VPS13A: variants seen among roughly 807,000 people sequenced by gnomAD.
VPS13A encodes vacuolar protein sorting 13 homolog A.
In VPS13A, 264 loss-of-function variants were observed where a neutral mutation model predicts 390.9. That is an observed-to-expected ratio of 0.68 (90% CI 0.61 to 0.75). The LOEUF is 0.75. Among genes scored for constraint, VPS13A ranks in the 30% least tolerant of loss-of-function variants. VPS13A has a pLI of 0.00. For missense variants in VPS13A, 3,409 were observed against 3,733.9 expected, an observed-to-expected ratio of 0.91 and a Z score of 2.27; for synonymous variants, 1,231 against 1,227.1, an observed-to-expected ratio of 1.00 and a Z score of -0.07.
intron 1 of VPS13A, among the ~76,000 whole-genome samples, chr9:77,183,888 C>T (rs146627463): frequency 3.7e-4 from 57 of 152,296 alleles, no homozygotes; most frequent in African/African-American, 1.3e-3. Context: ...TAATGGAATA[C>T]CATTAATATT....
rs184429721 is a variant in VPS13A at position 77,265,221 on chromosome 9, C to T, written c.2427+4997C>T. On this transcript the variant is annotated intron_variant, in intron 23 of 71. Transcript: ENST00000360280. ...GCCAGTAGTTTATTGAGGATTTTCACATTGACGTTCATCAGGGATATTAGC... is the reference window on the plus strand; with the variant it reads ...GCCAGTAGTTTATTGAGGATTTTCATATTGACGTTCATCAGGGATATTAGC... 2.2e-3 allele frequency among the ~76,000 whole-genome samples: 340 copies of T among 152,292 alleles called. 1 individual carries two copies. The highest frequency in any genetic ancestry group is 7.6e-3 in the African/African-American group (315 of 41,566).
intron 69 of VPS13A, 142 bp downstream of exon 69, chr9:77,403,463 A>C (rs928724388): frequency 1.4e-6 from 1 of 718,940 alleles, no homozygotes; most frequent in African/African-American, 1.8e-5. Flanking sequence ...CTAACTCGCT[A>C]AACATTACAT....
chr9:77,251,394 A>G (rs1268603685), intron 21 of VPS13A, among the ~76,000 whole-genome samples: 2 of 152,192 alleles, frequency 1.3e-5, no homozygotes. Context: ...CTTTCTGATT[A>G]TACCTATTTC....
At chr9:77,328,209 C>T (rs976211959) in intron 45 of VPS13A, among the ~76,000 whole-genome samples, 4 of 152,088 alleles carry the variant, frequency 2.6e-5, no homozygotes, top group Non-Finnish European at 4.4e-5. Context: ...TGTGCATGGC[C>T]AATGAGCAGT....
intron 23 of VPS13A, among the ~76,000 whole-genome samples, chr9:77,265,301 C>A (rs1431482441): frequency 6.6e-6 from 1 of 152,186 alleles, no homozygotes; most frequent in Non-Finnish European, 1.5e-5. Flanking sequence ...CAGGATGAGG[C>A]TGGCTTCATA....
At chr9:77,321,041 G>A (rs972365368) in intron 42 of VPS13A, 128 bp from the exon 43 acceptor site, 2 of 826,880 alleles carry the variant, frequency 2.4e-6, no homozygotes, top group Non-Finnish European at 3.8e-6. Context: ...ATTTCAATAA[G>A]GCAATAGAAC....
chr9:77,240,214 C>T (rs1264340847), intron 19 of VPS13A, among the ~76,000 whole-genome samples: 1 of 150,574 alleles, frequency 6.6e-6, no homozygotes, highest in East Asian at 1.9e-4. Flanking sequence ...TCCCGAGTAG[C>T]TGGGATTACA....
chr9:77,360,688 ATAT>A (rs779727284), intron 59 of VPS13A, 47 bp downstream of exon 59: 22 of 1,383,396 alleles, frequency 1.6e-5, no homozygotes, highest in East Asian at 4.6e-5. Context: ...TAGGGAAAAG[ATAT>A]TATTATAAAT....
intron 50 of VPS13A, among the ~76,000 whole-genome samples, chr9:77,342,124 G>A (rs2131513429): frequency 6.6e-6 from 1 of 152,248 alleles, no homozygotes; most frequent in South Asian, 2.1e-4. Flanking sequence ...AAATGAGAAA[G>A]TTAGCAATTG....
At chr9:77,412,051 T>C (rs968031348) in intron 71 of VPS13A, among the ~76,000 whole-genome samples, 1 of 152,062 alleles carries the variant, frequency 6.6e-6, no homozygotes, top group African/African-American at 2.4e-5. Context: ...CAGGAAGAAG[T>C]TGAGTCTCTG....
Position 77,214,313 on chromosome 9 carries a change from A to G in VPS13A, c.697-16A>G, listed in dbSNP as rs1235996900. On this transcript the variant is annotated splice_polypyrimidine_tract_variant and intron_variant, in intron 9 of 71. Coordinates refer to ENST00000360280, the MANE Select transcript of VPS13A (RefSeq NM_033305.3). ...ATTGGCATGAATATAAATAAAAGCA[A>G]TTTGTCTTTTAATAGGACGACTTGA... 4 of 1,610,142 alleles carry G rather than the reference A, an allele frequency of 2.5e-6. No homozygotes were observed. The highest frequency in any genetic ancestry group is 2.7e-5 in the African/African-American group (2 of 74,942).
chr9:77,381,347 A>C (rs1469522806), intron 67 of VPS13A, among the ~76,000 whole-genome samples: 4 of 152,178 alleles, frequency 2.6e-5, no homozygotes, highest in African/African-American at 9.6e-5. Flanking sequence ...ACAGTAATAC[A>C]CATCAAGCCC....
intron 68 of VPS13A, among the ~76,000 whole-genome samples, chr9:77,399,446 G>A (rs1834278873): frequency 6.6e-6 from 1 of 152,038 alleles, no homozygotes. Context: ...GTGATGAGAG[G>A]TAGGCTTAAT....
chr9:77,370,859 T>C, intron 65 of VPS13A, 31 bp from the exon 66 acceptor site: 2 of 1,612,096 alleles, frequency 1.2e-6, no homozygotes, highest in South Asian at 1.1e-5. Flanking sequence ...TAAAAAAGTA[T>C]TGTAAATTTT....
chr9:77,326,429 T>A (rs772706356), intron 45 of VPS13A, among the ~76,000 whole-genome samples: 1 of 152,144 alleles, frequency 6.6e-6, no homozygotes. Context: ...AGTAATGCTC[T>A]GTTCATTTTT....
intron 45 of VPS13A, among the ~76,000 whole-genome samples, chr9:77,330,142 A>AGTAGC (rs148780476): frequency 0.014 from 2,163 of 152,204 alleles, 53 homozygotes; most frequent in African/African-American, 0.049. Flanking sequence ...CAGCCTCTGC[A>AGTAGC]GTAGCTCGGA....
chr9:77,317,873 T>A (rs1829495717), intron 40 of VPS13A, among the ~76,000 whole-genome samples, 175 bp downstream of exon 40: 1 of 151,976 alleles, frequency 6.6e-6, no homozygotes, highest in Non-Finnish European at 1.5e-5. Context: ...ATTTTATGAA[T>A]GTTATTCTAT....
At chr9:77,236,771 T>TGACG (rs1293027832) in intron 17 of VPS13A, among the ~76,000 whole-genome samples, 1 of 152,242 alleles carries the variant, frequency 6.6e-6, no homozygotes, top group African/African-American at 2.4e-5. Context: ...GAATGCCATG[T>TGACG]GACGATATCT....
chr9:77,342,608 G>A (rs991475552), intron 50 of VPS13A, among the ~76,000 whole-genome samples: 2 of 152,034 alleles, frequency 1.3e-5, no homozygotes, highest in Admixed American at 1.3e-4. Context: ...TTTAAATATT[G>A]TATAAAATTA....
Sources: gnomAD v4.1 joint callset for allele counts (sites outside exome capture counted in the v4.1 genomes callset) on GRCh38, gnomAD v4.1.1 for gene constraint, MANE v1.5 for transcripts, NCBI Gene and HGNC (gene_info 2026-07-23, HGNC 2026-07-21) for gene names.